BAD: variants seen among roughly 807,000 people sequenced by gnomAD.
BAD encodes the protein BCL2 associated agonist of cell death.
In BAD, 18 loss-of-function variants were observed where a neutral mutation model predicts 17.8. The observed-to-expected ratio is 1.01, with a 90% CI of 0.70 to 1.50. The LOEUF is 1.50. Among genes scored for constraint, BAD ranks in the 40% most tolerant of loss-of-function variants. The pLI is 0.00. For missense variants in BAD, 294 were observed against 239.3 expected (o/e 1.23, Z -1.51); for synonymous variants, 112 against 91.5 (o/e 1.22, Z -1.28).
intron 2 of BAD, among the ~76,000 whole-genome samples, chr11:64,278,955 T>C (rs550602387): frequency 1.3e-5 from 2 of 152,182 alleles, no homozygotes; most frequent in Non-Finnish European, 2.9e-5. Flanking sequence ...AATCAAAAGG[T>C]TAAGAAATCC....
chr11:64,284,649 G>A lies in BAD; in HGVS notation c.-27C>T. ...GTCTCACCCCAAGCCCGATCTCGAG[G>A]CCCCTGACCCGGGCCTGCCGCCTCC... On this transcript the variant is annotated 5_prime_UTR_variant, in exon 1 of 4. Transcript: ENST00000309032. 6.5e-7 allele frequency: 1 copy of A among 1,531,958 alleles called. No individual in the cohort carries two copies. Among genetic ancestry groups the A allele is most frequent in the Non-Finnish European group, 8.7e-7 (1 of 1,145,052 alleles). The allele number at this position is 1,531,958 out of a possible 1,614,324, so 94.9% of individuals were successfully genotyped here.
chr11:64,271,745 G>T lies in BAD; in HGVS notation c.246C>A (p.Asp82Glu). 6.9e-7 allele frequency: 1 copy of T among 1,446,168 alleles called. No homozygotes were observed. Among genetic ancestry groups the T allele is most frequent in the Non-Finnish European group, 9.1e-7 (1 of 1,099,710 alleles). 89.6% of individuals were successfully genotyped at this position (1,446,168 alleles called of 1,614,324 possible). The change falls in exon 3 of 4, where the codon GAC (aspartate) becomes GAA (glutamate). Residue 82 changes from aspartate to glutamate, a missense_variant. Asp to Glu is a conservative substitution (Grantham distance 45, BLOSUM62 2). Transcript: ENST00000309032. ...TGGGCTCCTCCCCCATCCCTTCGTC[G>T]TCCTCCGTCCCCGCGGGGTAGGAGC... ...RHSSYPAGTEDDEGMGEEPSP... is the reference protein window; with the variant it reads ...RHSSYPAGTEEDEGMGEEPSP...
At chr11:64,271,911 CCAGGGGCGCATCA>C (rs2135093644) in intron 2 of BAD, 108 bp from the exon 3 acceptor site, 1 of 932,734 alleles carries the variant, frequency 1.1e-6, no homozygotes, top group East Asian at 3.3e-5. Flanking sequence ...CGTGGGTCTT[CCAGGGGCGCATCA>C]CAGCCCACCT....
Position 64,276,226 on chromosome 11 carries a change from A to T in BAD, c.188-4423T>A, listed in dbSNP as rs77843679. ...GCTAGTTGTTATCAAGATGATACCC[A>T]TTTGTGTAAATTGAATTATATATAT... is the stretch of plus-strand genomic sequence containing the variant. On this transcript the variant is annotated intron_variant, in intron 2 of 3. Coordinates refer to ENST00000309032, the MANE Select transcript of BAD (RefSeq NM_032989.3). The T allele has an allele frequency of 5.3e-5, 8 of 152,116 alleles. No homozygotes were observed. The East Asian group carries it at 1.2e-3, about 22-fold the overall frequency. 9.4% of individuals were successfully genotyped at this position (152,116 alleles called of 1,614,324 possible).
rs139093260 is a variant in BAD at position 64,270,254 on chromosome 11, C to G, written c.462G>C (p.Trp154Cys). 675 of 1,605,208 alleles carry G rather than the reference C, an allele frequency of 4.2e-4. No homozygotes were observed. Among genetic ancestry groups the G allele is most frequent in the Middle Eastern group, 2.5e-3 (15 of 6,046 alleles). The change falls in exon 4 of 4, where the codon TGG becomes TGC. Residue 154 changes from tryptophan to cysteine, a missense_variant. By Grantham distance (215) the Trp-to-Cys change is radical. Transcript: ENST00000309032. ...SSSWTRVFQS[W>C]WDRNLGRGSS... The stretch of plus-strand genomic sequence containing the variant: ...TTCCCCTGCCCAAGTTCCGATCCCA[C>G]CAGGACTGGAAGACTCGCGTCCAGC...
chr11:64,278,330 T>C (rs2033204175), intron 2 of BAD, among the ~76,000 whole-genome samples: 1 of 150,986 alleles, frequency 6.6e-6, no homozygotes, highest in Admixed American at 6.6e-5. Context: ...ACCACTGCAC[T>C]CCAGCCTGGG....
intron 2 of BAD, among the ~76,000 whole-genome samples, chr11:64,280,553 G>C (rs1213140): frequency 0.023 from 3,498 of 149,314 alleles, 150 homozygotes; most frequent in African/African-American, 0.082. Context: ...GGGTTTCACC[G>C]TGTTAGCCAG....
intron 2 of BAD, among the ~76,000 whole-genome samples, chr11:64,282,646 G>A (rs1565351727): frequency 6.6e-6 from 1 of 152,170 alleles, no homozygotes; most frequent in Non-Finnish European, 1.5e-5. Flanking sequence ...TTGGGAGGCT[G>A]AGGCGGGTGG....
chr11:64,284,395 A>C lies in BAD; in HGVS notation c.-8-19T>G. The C allele has an allele frequency of 2.5e-6, 4 of 1,611,848 alleles. No homozygotes were observed. Among genetic ancestry groups the C allele is most frequent in the Non-Finnish European group, 3.4e-6 (4 of 1,179,944 alleles). ...CTCTGGGCTGTGAGGACAAGATGTT[A>C]CGTAGTCAAGGCACAGCTGGGGCCA... On this transcript the variant is annotated intron_variant, in intron 1 of 3. Coordinates refer to ENST00000309032, the MANE Select transcript of BAD (RefSeq NM_032989.3).
Position 64,284,384 on chromosome 11 carries a change from G to T in BAD, c.-8-8C>A. On this transcript the variant is annotated splice_polypyrimidine_tract_variant and splice_region_variant and intron_variant, in intron 1 of 3. Transcript: ENST00000309032. ...TCTGGAACATGCTCTGGGCTGTGAG[G>T]ACAAGATGTTACGTAGTCAAGGCAC... is the stretch of plus-strand genomic sequence containing the variant. The T allele has an allele frequency of 1.2e-6, 2 of 1,612,402 alleles. No homozygotes were observed.
Position 64,270,230 on chromosome 11 carries a change from T to A in BAD, c.486A>T (p.Gly162=), listed in dbSNP as rs79723489. 3.5e-4 allele frequency: 557 copies of A among 1,612,694 alleles called. 1 individual carries two copies. The African/African-American group carries it at 7.0e-3, about 20-fold the overall frequency. ...QSWWDRNLGR[G]SSAPSQ ...AAGGTCACTGGGAGGGGGCGGAGCTTCCCCTGCCCAAGTTCCGATCCCACC... is the reference window on the plus strand; with the variant it reads ...AAGGTCACTGGGAGGGGGCGGAGCTACCCCTGCCCAAGTTCCGATCCCACC... Residue 162 remains glycine (G), a synonymous_variant, in exon 4 of 4, where the codon GGA becomes GGT. Transcript: ENST00000309032.
rs764003005 is a variant in BAD, at chr11:64,271,751, C to T, written c.240G>A (p.Thr80=). Residue 80 remains threonine (T), a synonymous_variant, in exon 3 of 4, where the codon ACG becomes ACA. Transcript: ENST00000309032. ...RSRHSSYPAG[T]EDDEGMGEEP... is the part of the protein sequence containing the mutation. ...CCTCCCCCATCCCTTCGTCGTCCTC[C>T]GTCCCCGCGGGGTAGGAGCTGTGGC... The T allele has an allele frequency of 5.5e-6, 8 of 1,450,838 alleles. No individual in the cohort carries two copies. The highest frequency in any genetic ancestry group is 2.9e-5 in the South Asian group (2 of 68,634). The allele number at this position is 1,450,838 out of a possible 1,614,324, so 89.9% of individuals were successfully genotyped here.
chr11:64,270,983 C>T (rs2032493645), intron 3 of BAD, among the ~76,000 whole-genome samples: 1 of 58,246 alleles, frequency 1.7e-5, no homozygotes, highest in South Asian at 8.5e-4. Context: ...GTGACACACA[C>T]ACACACACAC....
At chr11:64,276,802 C>T in intron 2 of BAD, 1 of 655,720 alleles carries the variant, frequency 1.5e-6, no homozygotes, top group South Asian at 1.7e-5. Flanking sequence ...GGTGCCCAGG[C>T]CTGCCCACTC....
In BAD at chr11:64,271,801, C is replaced by G; in HGVS notation, c.190G>C (p.Ala64Pro). 1 of 1,401,092 alleles carries G rather than the reference C, an allele frequency of 7.1e-7. No homozygotes were observed. Among genetic ancestry groups the G allele is most frequent in the Non-Finnish European group, 9.3e-7 (1 of 1,075,866 alleles). 86.8% of individuals were successfully genotyped at this position (1,401,092 alleles called of 1,614,324 possible). ...QPTSSSHHGG[A>P]GAVEIRSRHS... Reference sequence around the variant, plus strand: ...CGACTCCGGATCTCCACAGCCCCAGCGCCTGCAGAGGGTCAGTGGGTAGGG... The same window carrying G: ...CGACTCCGGATCTCCACAGCCCCAGGGCCTGCAGAGGGTCAGTGGGTAGGG... Residue 64 changes from alanine to proline, a missense_variant and splice_region_variant, in exon 3 of 4, where the codon GCT (alanine) becomes CCT (proline). Ala to Pro is a conservative substitution (Grantham distance 27). Transcript: ENST00000309032.
intron 2 of BAD, among the ~76,000 whole-genome samples, chr11:64,272,212 G>A (rs1322113371): frequency 2.0e-5 from 3 of 152,052 alleles, no homozygotes; most frequent in Admixed American, 1.3e-4. Context: ...CCAGTTACTC[G>A]GGAGGCTGAG....
In BAD at chr11:64,283,142, G is replaced by T. The variant is rs188283610; in HGVS notation, c.187+1040C>A. 5.5e-4 allele frequency among the ~76,000 whole-genome samples: 84 copies of T among 152,328 alleles called. No homozygotes were observed. The East Asian group carries it at 7.5e-3, about 14-fold the overall frequency. On this transcript the variant is annotated intron_variant, in intron 2 of 3. Transcript: ENST00000309032. ...AGTGTGGGTGTTTATCCGTAAGAGA[G>T]CGAGGGGAAAGAGGCCTCTTAAGCC...
Position 64,284,203 on chromosome 11 carries a change from T to C in BAD, c.166A>G (p.Thr56Ala), listed in dbSNP as rs764345127. The C allele has an allele frequency of 1.2e-6, 2 of 1,601,720 alleles. No homozygotes were observed. The highest frequency in any genetic ancestry group is 2.7e-5 in the African/African-American group (2 of 74,468). The change falls in exon 2 of 4, where the codon ACC becomes GCC. Residue 56 changes from threonine to alanine, a missense_variant. Transcript: ENST00000309032. ...WDASHQQEQP[T>A]SSSHHGGAGA... ...TTACCTCCATGATGGCTGCTGCTGG[T>C]TGGCTGCTCCTGCTGGTGACTGGCG... is the stretch of plus-strand genomic sequence containing the variant.
chr11:64,282,010 C>T (rs536828975), intron 2 of BAD, among the ~76,000 whole-genome samples: 16 of 152,200 alleles, frequency 1.1e-4, no homozygotes, highest in Admixed American at 2.6e-4. Flanking sequence ...TGAGCCACCG[C>T]GCCCGGCCTC....
Sources: gnomAD v4.1 joint callset for allele counts (sites outside exome capture counted in the v4.1 genomes callset) on GRCh38, gnomAD v4.1.1 for gene constraint, MANE v1.5 for transcripts, NCBI Gene and HGNC (gene_info 2026-07-23, HGNC 2026-07-21) for gene names.